Variants in RBM47 observed in about 807,000 individuals in gnomAD.
The protein encoded by RBM47 is RNA-binding protein 47.
Under a neutral mutation model 47.1 loss-of-function variants are expected in RBM47, and 21 were observed. The ratio of observed to expected loss-of-function variants is 0.45; its 90% CI spans 0.32 to 0.64. The LOEUF is 0.64. Ranked by LOEUF, RBM47 falls within the 30% of genes least tolerant of loss-of-function variation. The probability of loss-of-function intolerance (pLI) is 0.05; values close to 1 mark genes in which losing one functional copy is unlikely to be tolerated. For synonymous variants in RBM47, 375 were observed against 361.7 expected, an observed-to-expected ratio of 1.04 and a Z score of -0.42; for missense variants, 708 against 870.9, an observed-to-expected ratio of 0.81 and a Z score of 2.35.
At chr4:40,440,686 T>A (rs924875575) in intron 3 of RBM47, among the ~76,000 whole-genome samples, 1 of 152,176 alleles carries the variant, frequency 6.6e-6, no homozygotes, top group African/African-American at 2.4e-5. Flanking sequence ...CTGCATATGT[T>A]TGTTTGTGAA....
chr4:40,573,761 G>A (rs1362442418), intron 1 of RBM47, among the ~76,000 whole-genome samples: 1 of 145,078 alleles, frequency 6.9e-6, no homozygotes, highest in Non-Finnish European at 1.5e-5. Context: ...AAGAAAGAGA[G>A]AGAGAGAGAA....
intron 1 of RBM47, among the ~76,000 whole-genome samples, chr4:40,615,863 G>T (rs1481530557): frequency 6.6e-6 from 1 of 152,064 alleles, no homozygotes; most frequent in Non-Finnish European, 1.5e-5. Flanking sequence ...TATGCAAAAC[G>T]AATAACCACA....
chr4:40,498,297 T>C (rs1348663527), intron 2 of RBM47, among the ~76,000 whole-genome samples: 2 of 152,162 alleles, frequency 1.3e-5, no homozygotes, highest in African/African-American at 4.8e-5. Context: ...GATGCTTTTT[T>C]AAATTCCCTT....
At chr4:40,594,517 T>C (rs1427202035) in intron 1 of RBM47, among the ~76,000 whole-genome samples, 1 of 152,230 alleles carries the variant, frequency 6.6e-6, no homozygotes, top group East Asian at 1.9e-4. Context: ...GCTACTCCTC[T>C]GCATGACATT....
intron 6 of RBM47, among the ~76,000 whole-genome samples, chr4:40,429,688 CAAAAAAAAA>C (rs60673202): frequency 1.0e-4 from 4 of 38,106 alleles, no homozygotes; most frequent in African/African-American, 6.7e-4. Context: ...GACTCCATCT[CAAAAAAAAA>C]AAAAAAAAAA....
At chr4:40,476,413 T>C (rs562774406) in intron 2 of RBM47, among the ~76,000 whole-genome samples, 1 of 151,828 alleles carries the variant, frequency 6.6e-6, no homozygotes, top group African/African-American at 2.4e-5. Context: ...TAGGAAAAAA[T>C]TACACATGAA....
At position 40,547,501 on chromosome 4, in the gene RBM47, G is replaced by T. The variant is rs371653519; in HGVS notation, c.-239-2995C>A. 7.2e-4 allele frequency among the ~76,000 whole-genome samples: 110 copies of T among 152,262 alleles called. 2 individuals are homozygous for T. In the South Asian group the frequency reaches 0.022, roughly 31 times the overall value. On this transcript the variant is annotated intron_variant, in intron 1 of 6. Coordinates refer to ENST00000295971, the MANE Select transcript of RBM47 (RefSeq NM_001098634.2). ...CTGTCACCTTGATCTTGGACTTCCA[G>T]CCTCCACAACCATGAGAAAATAAAT...
At chr4:40,498,054 T>TTATTTATATATATATATATATA (rs1722854813) in intron 2 of RBM47, among the ~76,000 whole-genome samples, 1 of 109,870 alleles carries the variant, frequency 9.1e-6, no homozygotes, top group Non-Finnish European at 2.0e-5. Flanking sequence ...AGTGCTTGTT[T>TTATTTATATATATATATATATA]TATATATATA....
chr4:40,429,939 A>G (rs146541648), intron 6 of RBM47, among the ~76,000 whole-genome samples: 6,550 of 152,082 alleles, frequency 0.043, 188 homozygotes, highest in Middle Eastern at 0.075. Context: ...TCACGCCTGT[A>G]ATCCCAGCAC....
chr4:40,502,728 TC>T lies in RBM47; in HGVS notation c.-154-36030del, dbSNP rs879395926. 2.9e-3 allele frequency among the ~76,000 whole-genome samples: 436 copies of T among 151,928 alleles called. 2 individuals are homozygous for T. The highest frequency in any genetic ancestry group is 9.3e-3 in the African/African-American group (384 of 41,452). On this transcript the variant is annotated intron_variant, in intron 2 of 6. Coordinates refer to ENST00000295971, the MANE Select transcript of RBM47 (RefSeq NM_001098634.2). ...AGGTGTGGTGACATGCACCTGTAGC[TC>T]CAGCTATTCAGGAGGTTGAGGCAGG...
chr4:40,607,633 G>T (rs974543395), intron 1 of RBM47, among the ~76,000 whole-genome samples: 3 of 152,130 alleles, frequency 2.0e-5, no homozygotes, highest in Non-Finnish European at 4.4e-5. Flanking sequence ...CTTGAGCCTG[G>T]GAGATCGGGG....
chr4:40,546,833 T>C (rs1446308990), intron 1 of RBM47, among the ~76,000 whole-genome samples: 1 of 152,176 alleles, frequency 6.6e-6, no homozygotes, highest in Non-Finnish European at 1.5e-5. Context: ...TATACAGCTT[T>C]TACCTCTCCT....
Position 40,432,714 on chromosome 4 carries a change from T to C in RBM47, c.1479A>G (p.Ala493=), listed in dbSNP as rs774510869. ...CGGCTGCGGCGGCTGCGGCCGCGGC[T>C]GCGGCGGCAGCAGCACTGGCTGGGT... ...QPDPASAAAA[A]AAAAAAAAAV... is the part of the protein sequence containing the mutation. Residue 493 remains alanine, a synonymous_variant, in exon 6 of 7, where the codon GCA becomes GCG. Transcript: ENST00000295971. 3 of 1,609,596 alleles carry C rather than the reference T, an allele frequency of 1.9e-6. No homozygotes were observed. In the African/African-American group the frequency reaches 4.0e-5, roughly 22 times the overall value.
intron 3 of RBM47, among the ~76,000 whole-genome samples, chr4:40,452,649 T>G (rs1184146795): frequency 6.6e-6 from 1 of 151,762 alleles, no homozygotes; most frequent in African/African-American, 2.4e-5. Context: ...TACCGTCTAT[T>G]ATAAACATCC....
intron 1 of RBM47, among the ~76,000 whole-genome samples, chr4:40,546,259 T>C (rs1182055633): frequency 6.6e-6 from 1 of 152,076 alleles, no homozygotes; most frequent in Non-Finnish European, 1.5e-5. Context: ...CAAGTGATTC[T>C]CCCACCTTAG....
chr4:40,528,648 C>T (rs1727008230), intron 2 of RBM47, among the ~76,000 whole-genome samples: 1 of 151,868 alleles, frequency 6.6e-6, no homozygotes, highest in South Asian at 2.1e-4. Flanking sequence ...ACCTGTAATC[C>T]CAGCTACTTG....
intron 2 of RBM47, among the ~76,000 whole-genome samples, chr4:40,484,593 A>C (rs1431649699): frequency 6.6e-6 from 1 of 152,224 alleles, no homozygotes; most frequent in East Asian, 1.9e-4. Context: ...CAGGCTTTTG[A>C]TCATGAGCTG....
chr4:40,525,270 T>C (rs1726583661), intron 2 of RBM47, among the ~76,000 whole-genome samples: 1 of 152,138 alleles, frequency 6.6e-6, no homozygotes, highest in Non-Finnish European at 1.5e-5. Context: ...AAACCCTGTC[T>C]CTACTAAAAA....
chr4:40,563,768 A>G (rs1415151663), intron 1 of RBM47, among the ~76,000 whole-genome samples: 1 of 152,230 alleles, frequency 6.6e-6, no homozygotes, highest in African/African-American at 2.4e-5. Flanking sequence ...AAATTAAGAC[A>G]AAAGAGCACA....
Sources: gnomAD v4.1 joint callset for allele counts (sites outside exome capture counted in the v4.1 genomes callset) on GRCh38, gnomAD v4.1.1 for gene constraint, MANE v1.5 for transcripts, NCBI Gene and HGNC (gene_info 2026-07-23, HGNC 2026-07-21) for gene names.